RXRG: variants seen among roughly 807,000 people sequenced by gnomAD.
RXRG encodes the protein retinoic acid receptor RXR-gamma.
Under a neutral mutation model 49.2 loss-of-function variants are expected in RXRG, and 19 were observed. The ratio of observed to expected loss-of-function variants is 0.39; its 90% CI spans 0.27 to 0.57. The LOEUF (loss-of-function observed/expected upper bound fraction) is 0.57, where lower values mean the gene tolerates loss of function less well. Ranked by LOEUF, RXRG falls within the 20% of genes least tolerant of loss-of-function variation. The pLI is 0.64. For synonymous variants in RXRG, 224 were observed against 216.6 expected, an observed-to-expected ratio of 1.03 and a Z score of -0.30; for missense variants, 452 against 592.5, an observed-to-expected ratio of 0.76 and a Z score of 2.46.
intron 2 of RXRG, among the ~76,000 whole-genome samples, chr1:165,423,107 T>C (rs1207927415): frequency 6.6e-6 from 1 of 152,190 alleles, no homozygotes; most frequent in Non-Finnish European, 1.5e-5. Context: ...TGAGACAGGT[T>C]GGTTGATGTT....
chr1:165,420,006 C>A lies in RXRG; in HGVS notation c.306G>T (p.Val102=). ...CCTCTGAACTGCTGACACTGTTGAC[C>A]ACATTTAGCTGCAAGAGAAAAAAAT... ...LVAPPSSQLN[V]VNSVSSSEDI... Residue 102 remains valine, a synonymous_variant, in exon 3 of 10, where the codon GTG becomes GTT. Transcript: ENST00000359842. 1 of 1,597,872 alleles carries A rather than the reference C, an allele frequency of 6.3e-7. No homozygotes were observed. The highest frequency in any genetic ancestry group is 8.5e-7 in the Non-Finnish European group (1 of 1,171,208).
At chr1:165,441,559 A>G (rs1368428148) in intron 1 of RXRG, among the ~76,000 whole-genome samples, 1 of 152,228 alleles carries the variant, frequency 6.6e-6, no homozygotes, top group Non-Finnish European at 1.5e-5. Context: ...GAACAATGGT[A>G]ACAGTACCTA....
chr1:165,435,965 G>A (rs1337473712), intron 1 of RXRG, among the ~76,000 whole-genome samples: 1 of 152,174 alleles, frequency 6.6e-6, no homozygotes, highest in Non-Finnish European at 1.5e-5. Context: ...GCACACAGAT[G>A]TGGCTGCATT....
intron 1 of RXRG, among the ~76,000 whole-genome samples, chr1:165,435,355 C>G (rs1480694502): frequency 1.3e-5 from 2 of 152,150 alleles, no homozygotes; most frequent in African/African-American, 4.8e-5. Context: ...AAATAAGGTA[C>G]TATTAGTATC....
At chr1:165,419,286 C>T (rs1022041297) in intron 3 of RXRG, among the ~76,000 whole-genome samples, 1 of 152,006 alleles carries the variant, frequency 6.6e-6, no homozygotes, top group Non-Finnish European at 1.5e-5. Flanking sequence ...TTCTTGGGGA[C>T]ATTATGGGTA....
At chr1:165,428,557 A>T (rs1172834342) in intron 2 of RXRG, among the ~76,000 whole-genome samples, 162 bp downstream of exon 2, 1 of 152,222 alleles carries the variant, frequency 6.6e-6, no homozygotes, top group Non-Finnish European at 1.5e-5. Flanking sequence ...GCCTGAGGAC[A>T]CATGCAATGA....
chr1:165,421,467 C>T (rs1658310752), intron 2 of RXRG, among the ~76,000 whole-genome samples: 1 of 151,742 alleles, frequency 6.6e-6, no homozygotes, highest in African/African-American at 2.4e-5. Flanking sequence ...AAACATGGAC[C>T]TCATCCATGT....
At chr1:165,412,779 G>A (rs552663517) in intron 4 of RXRG, among the ~76,000 whole-genome samples, 2 of 152,050 alleles carry the variant, frequency 1.3e-5, no homozygotes, top group African/African-American at 4.8e-5. Flanking sequence ...TCCTCCTTCT[G>A]TCTCATCCTT....
chr1:165,425,098 C>G, intron 2 of RXRG: 1 of 203,776 alleles, frequency 4.9e-6, no homozygotes, highest in Non-Finnish European at 8.7e-6. Flanking sequence ...ACCTTTCAAC[C>G]CCAATCCCTC....
Position 165,419,967 on chromosome 1 carries a change from T to C in RXRG, c.345A>G (p.Leu115=), listed in dbSNP as rs1308076071. 1 of 1,612,834 alleles carries C rather than the reference T, an allele frequency of 6.2e-7. No individual in the cohort carries two copies. Among genetic ancestry groups the C allele is most frequent in the South Asian group, 1.1e-5 (1 of 90,842 alleles). The change falls in exon 3 of 10, where the codon TTA becomes TTG. Residue 115 remains leucine (L), a synonymous_variant. Transcript: ENST00000359842. ...SVSSSEDIKP[L]PGLPGIGNMN... is the part of the protein sequence containing the mutation. Reference sequence around the variant, plus strand: ...TGTTTCCAATCCCGGGAAGCCCTGGTAAGGGCTTGATGTCCTCTGAACTGC... The same window carrying C: ...TGTTTCCAATCCCGGGAAGCCCTGGCAAGGGCTTGATGTCCTCTGAACTGC...
intron 1 of RXRG, among the ~76,000 whole-genome samples, chr1:165,434,199 A>G (rs559657301): frequency 6.6e-6 from 1 of 152,222 alleles, no homozygotes; most frequent in African/African-American, 2.4e-5. Flanking sequence ...AAGTTTATCA[A>G]CAGAAATTAT....
intron 7 of RXRG, among the ~76,000 whole-genome samples, chr1:165,409,048 C>A (rs773350500): frequency 5.9e-5 from 9 of 152,102 alleles, no homozygotes; most frequent in Non-Finnish European, 1.2e-4. Flanking sequence ...TCAGGGTATC[C>A]CTGCCTGACG....
rs751848503 is a variant in RXRG at position 165,428,997 on chromosome 1, G to T, written c.50-31C>A. The stretch of plus-strand genomic sequence containing the variant: ...AGAAGAAGAATATAGATGGTGGGAG[G>T]TTGGGGAACATGGAAAGGGGCCCTG... On this transcript the variant is annotated intron_variant, in intron 1 of 9. Transcript: ENST00000359842. The T allele has an allele frequency of 2.2e-5, 35 of 1,598,670 alleles. No homozygotes were observed. In the South Asian group the frequency reaches 2.2e-4, roughly 10 times the overall value.
rs145720971 is a variant in RXRG, at chr1:165,444,888, A to G, written c.6T>C (p.Tyr2=). M[Y]GNYSHFMKFP... is the part of the protein sequence containing the mutation. ...ACTTCATGAAGTGAGAATAATTTCCATACATGTTTACTCGTCAGTTCATGT... is the reference window on the plus strand; with the variant it reads ...ACTTCATGAAGTGAGAATAATTTCCGTACATGTTTACTCGTCAGTTCATGT... Residue 2 remains tyrosine (Y), a synonymous_variant, in exon 1 of 10, where the codon TAT becomes TAC. Transcript: ENST00000359842. 2.5e-5 allele frequency: 41 copies of G among 1,613,960 alleles called. No individual in the cohort carries two copies. The highest frequency in any genetic ancestry group is 3.3e-5 in the Non-Finnish European group (39 of 1,179,958).
At chr1:165,403,886 C>T (rs1657661919) in intron 9 of RXRG, among the ~76,000 whole-genome samples, 1 of 152,156 alleles carries the variant, frequency 6.6e-6, no homozygotes, top group Non-Finnish European at 1.5e-5. Flanking sequence ...ATAAACACAC[C>T]CATGAACGTC....
chr1:165,443,058 A>C (rs560476659), intron 1 of RXRG, among the ~76,000 whole-genome samples: 1 of 152,342 alleles, frequency 6.6e-6, no homozygotes, highest in Non-Finnish European at 1.5e-5. Context: ...CTCAGTTTAC[A>C]CATCTATAAG....
intron 1 of RXRG, among the ~76,000 whole-genome samples, chr1:165,432,337 T>C (rs1658696315): frequency 6.6e-6 from 1 of 152,200 alleles, no homozygotes; most frequent in Non-Finnish European, 1.5e-5. Context: ...ATTTTATAAC[T>C]ACATTTTAAA....
intron 8 of RXRG, among the ~76,000 whole-genome samples, chr1:165,408,007 G>A (rs909777430): frequency 2.2e-4 from 33 of 152,070 alleles, no homozygotes; most frequent in Non-Finnish European, 7.4e-5. Flanking sequence ...CTGGGCCACC[G>A]TCATCTTTCA....
intron 1 of RXRG, among the ~76,000 whole-genome samples, chr1:165,440,791 T>G (rs1464963648): frequency 1.3e-5 from 2 of 152,192 alleles, no homozygotes; most frequent in Non-Finnish European, 2.9e-5. Flanking sequence ...CTAAGTTCTC[T>G]GCAGACCTAG....
Sources: allele counts gnomAD v4.1 joint callset (sites outside exome capture counted in the v4.1 genomes callset), GRCh38; gene constraint gnomAD v4.1.1; transcripts MANE v1.5; gene names NCBI Gene and HGNC (gene_info 2026-07-23, HGNC 2026-07-21).